The following NALF1 variants were observed in gnomAD, a reference collection of about 807,000 sequenced individuals.
The protein encoded by NALF1 is NALCN channel auxiliary factor 1, also known as family with sequence similarity 155 member A.
Under a neutral mutation model 48.4 loss-of-function variants are expected in NALF1, and 3 were observed. The observed-to-expected ratio is 0.06, with a 90% CI of 0.03 to 0.16. The LOEUF is 0.16. Ranked by LOEUF, NALF1 falls within the 10% of genes least tolerant of loss-of-function variation. The pLI is 1.00. For missense variants in NALF1, 526 were observed against 571.5 expected (o/e 0.92, Z 0.81); for synonymous variants, 262 against 245.7 (o/e 1.07, Z -0.62).
At chr13:107,615,169 C>T (rs1879346476) in intron 1 of NALF1, among the ~76,000 whole-genome samples, 1 of 152,196 alleles carries the variant, frequency 6.6e-6, no homozygotes, top group African/African-American at 2.4e-5. Flanking sequence ...TATTCATCGT[C>T]CTCTTTCAGT....
intron 1 of NALF1, among the ~76,000 whole-genome samples, chr13:107,614,107 G>A (rs190604423): frequency 1.3e-3 from 201 of 152,216 alleles, no homozygotes; most frequent in Non-Finnish European, 2.2e-3. Flanking sequence ...GGAGTTTAAC[G>A]CCAGATGTTA....
At chr13:107,581,864 C>T (rs943881433) in intron 1 of NALF1, among the ~76,000 whole-genome samples, 1 of 152,168 alleles carries the variant, frequency 6.6e-6, no homozygotes, top group Non-Finnish European at 1.5e-5. Flanking sequence ...GGTGACTGTT[C>T]TCACCTATCG....
chr13:107,445,421 A>G (rs138693043), intron 1 of NALF1, among the ~76,000 whole-genome samples: 278 of 152,200 alleles, frequency 1.8e-3, no homozygotes, highest in African/African-American at 6.1e-3. Flanking sequence ...GTTCCTTTCT[A>G]TTGCCTAGTA....
At chr13:107,706,918 C>CTTTTTTTTTTT (rs34091754) in intron 1 of NALF1, among the ~76,000 whole-genome samples, 6 of 101,282 alleles carry the variant, frequency 5.9e-5, no homozygotes, top group South Asian at 3.6e-4. Context: ...CAAGGGCATT[C>CTTTTTTTTTTT]TTTTTTTTTT....
intron 1 of NALF1, among the ~76,000 whole-genome samples, chr13:107,727,949 G>C (rs1438533374): frequency 6.6e-6 from 1 of 152,122 alleles, no homozygotes; most frequent in Non-Finnish European, 1.5e-5. Flanking sequence ...CATCATCACT[G>C]GTCATTAGAG....
In NALF1 at chr13:107,469,733, CTTTTTTT is replaced by C. The variant is rs61241553; in HGVS notation, c.916-258985_916-258979del. Among the ~76,000 whole-genome samples, 200 of 79,942 alleles carry C rather than the reference CTTTTTTT, an allele frequency of 2.5e-3. 1 individual carries two copies. The South Asian group carries it at 0.036, about 14-fold the overall frequency. 52.4% of individuals were successfully genotyped at this position (79,942 alleles called of 152,430 possible). Reference sequence around the variant, plus strand: ...TAAATGCGATGAGTCAACTGTGTATCTTTTTTTTTTTTTTTTTTTTTTTTTTTTGAGA... The same window carrying C: ...TAAATGCGATGAGTCAACTGTGTATCTTTTTTTTTTTTTTTTTTTTTGAGA... On this transcript the variant is annotated intron_variant, in intron 1 of 2. Coordinates refer to ENST00000375915, the MANE Select transcript of NALF1 (RefSeq NM_001080396.3).
At chr13:107,225,814 TGCACACACACGCAC>T (rs1880090157) in intron 1 of NALF1, among the ~76,000 whole-genome samples, 2 of 152,086 alleles carry the variant, frequency 1.3e-5, no homozygotes, top group African/African-American at 2.4e-5. Flanking sequence ...TCTCGCCATA[TGCACACACACGCAC>T]GCACACACAC....
At chr13:107,648,788 C>A (rs1287717944) in intron 1 of NALF1, among the ~76,000 whole-genome samples, 3 of 152,124 alleles carry the variant, frequency 2.0e-5, no homozygotes, top group Non-Finnish European at 4.4e-5. Context: ...AACCATTTTG[C>A]ATTCTCCCTA....
Position 107,866,024 on chromosome 13 carries a change from G to A in NALF1, c.573C>T (p.Cys191=). The A allele has an allele frequency of 6.2e-7, 1 of 1,611,844 alleles. No individual in the cohort carries two copies. The highest frequency in any genetic ancestry group is 8.5e-7 in the Non-Finnish European group (1 of 1,179,874). Reference sequence around the variant, plus strand: ...CCGCCCCCCGACTCCAGTTCCTGGCGCACACCGCGTCCGCATTCTCCACCG... The same window carrying A: ...CCGCCCCCCGACTCCAGTTCCTGGCACACACCGCGTCCGCATTCTCCACCG... ...CFTVENADAV[C]ARNWSRGAAG... is the part of the protein sequence containing the mutation. The change falls in exon 1 of 3, where the codon TGC becomes TGT. Residue 191 remains cysteine (C), a synonymous_variant. Coordinates refer to ENST00000375915, the MANE Select transcript of NALF1 (RefSeq NM_001080396.3). This position sits in a 1 kb window ranked among gnomAD's most constrained non-coding sequence, Gnocchi z 4.4.
At chr13:107,507,526 C>CTT (rs201415523) in intron 1 of NALF1, among the ~76,000 whole-genome samples, 6 of 140,588 alleles carry the variant, frequency 4.3e-5, no homozygotes, top group African/African-American at 1.3e-4. Context: ...ATATCACATC[C>CTT]TTTTTTTTTG....
At chr13:107,487,816 C>T (rs894268737) in intron 1 of NALF1, among the ~76,000 whole-genome samples, 5 of 151,784 alleles carry the variant, frequency 3.3e-5, no homozygotes, top group African/African-American at 1.2e-4. Context: ...GGCGGACTCC[C>T]TTTTTTCCCA....
intron 1 of NALF1, among the ~76,000 whole-genome samples, chr13:107,774,606 T>C (rs1594258102): frequency 1.3e-5 from 2 of 152,332 alleles, no homozygotes; most frequent in East Asian, 1.9e-4. Flanking sequence ...TACTACATTC[T>C]CTGTAGTTCC....
At chr13:107,771,970 C>T (rs902178434) in intron 1 of NALF1, among the ~76,000 whole-genome samples, 1 of 152,040 alleles carries the variant, frequency 6.6e-6, no homozygotes, top group Non-Finnish European at 1.5e-5. Flanking sequence ...CTCCTGACCT[C>T]GTGATCTGCC....
intron 1 of NALF1, among the ~76,000 whole-genome samples, chr13:107,341,603 T>C (rs1882682372): frequency 6.6e-6 from 1 of 151,704 alleles, no homozygotes; most frequent in Non-Finnish European, 1.5e-5. Context: ...ATATAATACA[T>C]ATACATATAT....
chr13:107,676,405 C>T (rs897256302), intron 1 of NALF1, among the ~76,000 whole-genome samples: 1 of 152,070 alleles, frequency 6.6e-6, no homozygotes, highest in Non-Finnish European at 1.5e-5. Context: ...CCACAGCATG[C>T]TTCCTTTAGG....
rs1479977553 is a variant in NALF1 at position 107,167,275 on chromosome 13, T to C, written c.*3222A>G. On this transcript the variant is annotated 3_prime_UTR_variant, in exon 3 of 3. Transcript: ENST00000375915. ...CCTCTACAGGAAAAACTAAACAAGA[T>C]GATGATTACAAAGGAGCAGGGGCTG... The C allele has an allele frequency of 6.6e-6, 1 of 152,222 alleles. No individual in the cohort carries two copies. Among genetic ancestry groups the C allele is most frequent in the Non-Finnish European group, 1.5e-5 (1 of 68,040 alleles). 9.4% of individuals were successfully genotyped at this position (152,222 alleles called of 1,614,324 possible).
At chr13:107,352,695 G>T (rs528698908) in intron 1 of NALF1, among the ~76,000 whole-genome samples, 2 of 152,298 alleles carry the variant, frequency 1.3e-5, no homozygotes, top group South Asian at 4.1e-4. Flanking sequence ...CATTACTGGG[G>T]CTTGGAAAGC....
intron 1 of NALF1, among the ~76,000 whole-genome samples, chr13:107,713,843 G>T (rs1183817132): frequency 6.6e-6 from 1 of 152,172 alleles, no homozygotes; most frequent in Non-Finnish European, 1.5e-5. Flanking sequence ...CGCAAGTACA[G>T]CTCTGCATGA....
At chr13:107,576,681 G>C (rs372591165) in intron 1 of NALF1, among the ~76,000 whole-genome samples, 1 of 152,068 alleles carries the variant, frequency 6.6e-6, no homozygotes, top group Admixed American at 6.5e-5. Context: ...TGTGAAATTC[G>C]GTAGAATCAG....
Sources: allele counts gnomAD v4.1 joint callset (sites outside exome capture counted in the v4.1 genomes callset), GRCh38; gene constraint gnomAD v4.1.1; non-coding constraint Gnocchi (gnomAD v3.1); transcripts MANE v1.5; gene names NCBI Gene and HGNC (gene_info 2026-07-23, HGNC 2026-07-21).